The following RCAN2 variants were observed in gnomAD, a reference collection of about 807,000 sequenced individuals.
RCAN2 encodes the protein calcipressin-2.
In RCAN2, 9 loss-of-function variants were observed where a neutral mutation model predicts 23.6. The ratio of observed to expected loss-of-function variants is 0.38; its 90% CI spans 0.23 to 0.67. The LOEUF (loss-of-function observed/expected upper bound fraction) is 0.67, where lower values mean the gene tolerates loss of function less well. RCAN2 is among the 30% of genes least tolerant of loss of function. The probability of loss-of-function intolerance (pLI) is 0.51; values close to 1 mark genes in which losing one functional copy is unlikely to be tolerated. For missense variants in RCAN2, 273 were observed against 302.3 expected (o/e 0.90, Z 0.72); for synonymous variants, 109 against 115.7 (o/e 0.94, Z 0.37).
intron 4 of RCAN2, among the ~76,000 whole-genome samples, chr6:46,235,967 A>G (rs1318612629): frequency 6.6e-6 from 1 of 152,228 alleles, no homozygotes; most frequent in Non-Finnish European, 1.5e-5. Flanking sequence ...TTCCTCATCA[A>G]TGAGAACAAC....
chr6:46,330,718 G>A (rs945644794), intron 2 of RCAN2, among the ~76,000 whole-genome samples: 1 of 151,966 alleles, frequency 6.6e-6, no homozygotes, highest in African/African-American at 2.4e-5. Flanking sequence ...TGTCTCTCAT[G>A]TTTCTTTTAA....
In RCAN2 at chr6:46,292,424, TTG is replaced by T. The variant is rs199957269; in HGVS notation, c.226-43530_226-43529del. ...TGCCATATTCTTGGGAGTTGATTTG[TTG>T]TTTTTTTTTTTGTTTTTTTTTTTGG... On this transcript the variant is annotated intron_variant, in intron 2 of 4. Transcript: ENST00000371374. Among the ~76,000 whole-genome samples, 139 of 127,062 alleles carry T rather than the reference TTG, an allele frequency of 1.1e-3. 5 individuals are homozygous for T. Among genetic ancestry groups the T allele is most frequent in the African/African-American group, 2.6e-3 (72 of 27,198 alleles). 83.4% of individuals were successfully genotyped at this position (127,062 alleles called of 152,430 possible).
At chr6:46,264,483 C>G (rs551676512) in intron 2 of RCAN2, among the ~76,000 whole-genome samples, 4 of 152,198 alleles carry the variant, frequency 2.6e-5, no homozygotes, top group Non-Finnish European at 5.9e-5. Context: ...TCCTCTCCAT[C>G]TCACCTTTTC....
chr6:46,316,905 T>C (rs1033606195), intron 2 of RCAN2, among the ~76,000 whole-genome samples: 1 of 152,224 alleles, frequency 6.6e-6, no homozygotes, highest in Admixed American at 6.5e-5. Flanking sequence ...TGTGTTGTGT[T>C]GTGAAAGAAT....
intron 2 of RCAN2, among the ~76,000 whole-genome samples, chr6:46,337,283 T>C (rs777308106): frequency 6.6e-6 from 1 of 152,216 alleles, no homozygotes; most frequent in Non-Finnish European, 1.5e-5. Context: ...ACTGTTATAG[T>C]TCTGAGTAGT....
chr6:46,482,337 T>C (rs1768885572), intron 1 of RCAN2, among the ~76,000 whole-genome samples: 1 of 152,176 alleles, frequency 6.6e-6, no homozygotes, highest in Non-Finnish European at 1.5e-5. Flanking sequence ...ATAATATCTC[T>C]TTGTTTTCAA....
chr6:46,323,095 G>A (rs892611576), intron 2 of RCAN2, among the ~76,000 whole-genome samples: 4 of 152,142 alleles, frequency 2.6e-5, no homozygotes, highest in African/African-American at 9.7e-5. Flanking sequence ...GGAGTGGGGT[G>A]GGAGGGAAAA....
chr6:46,293,779 G>A (rs1762637572), intron 2 of RCAN2, among the ~76,000 whole-genome samples: 1 of 152,126 alleles, frequency 6.6e-6, no homozygotes, highest in African/African-American at 2.4e-5. Context: ...GATAATTTAG[G>A]CTAATAGGTC....
chr6:46,480,481 T>A lies in RCAN2; in HGVS notation c.-3+10692A>T, dbSNP rs1768830712. Among the ~76,000 whole-genome samples, 9 of 152,348 alleles carry A rather than the reference T, an allele frequency of 5.9e-5. No individual in the cohort carries two copies. The South Asian group carries it at 1.9e-3, about 32-fold the overall frequency. ...TCAGACAGAAGAAGCATTTAATACATCTGCCTATAAAAAATTCAGACACTG... is the reference window on the plus strand; with the variant it reads ...TCAGACAGAAGAAGCATTTAATACAACTGCCTATAAAAAATTCAGACACTG... On this transcript the variant is annotated intron_variant, in intron 1 of 4. Coordinates refer to ENST00000371374, the MANE Select transcript of RCAN2 (RefSeq NM_001251974.2).
intron 1 of RCAN2, chr6:46,468,682 T>G: frequency 5.4e-6 from 2 of 370,360 alleles, no homozygotes; most frequent in Non-Finnish European, 7.5e-6. Context: ...GCACGGCTCC[T>G]GATATGCTGT....
intron 2 of RCAN2, among the ~76,000 whole-genome samples, chr6:46,286,790 G>A (rs1420378853): frequency 6.6e-6 from 1 of 151,986 alleles, no homozygotes; most frequent in African/African-American, 2.4e-5. Flanking sequence ...ATCACCTGAG[G>A]TCAGGAGTTT....
intron 2 of RCAN2, among the ~76,000 whole-genome samples, chr6:46,350,904 G>A (rs1313165942): frequency 3.9e-5 from 6 of 152,074 alleles, no homozygotes; most frequent in African/African-American, 9.7e-5. Context: ...CCACTTAACC[G>A]TGCCCCAAAC....
intron 2 of RCAN2, among the ~76,000 whole-genome samples, chr6:46,343,602 C>G (rs898558533): frequency 2.6e-5 from 4 of 152,070 alleles, no homozygotes; most frequent in Non-Finnish European, 5.9e-5. Flanking sequence ...ATCTCGATCT[C>G]CTGACCTCGT....
At chr6:46,372,429 C>T (rs1765348132) in intron 2 of RCAN2, among the ~76,000 whole-genome samples, 1 of 152,164 alleles carries the variant, frequency 6.6e-6, no homozygotes. Flanking sequence ...TAAACACAAG[C>T]ATGTCGCTTG....
intron 2 of RCAN2, among the ~76,000 whole-genome samples, chr6:46,383,283 T>A (rs1251621612): frequency 2.0e-5 from 3 of 151,208 alleles, no homozygotes; most frequent in South Asian, 4.2e-4. Context: ...CCTTGAAGAA[T>A]GAATAGAATT....
intron 2 of RCAN2, among the ~76,000 whole-genome samples, chr6:46,387,443 G>T (rs868378286): frequency 9.2e-5 from 14 of 152,046 alleles, no homozygotes; most frequent in Non-Finnish European, 1.6e-4. Context: ...GTGGGTGAAG[G>T]ATATGAACAG....
At chr6:46,260,050 G>A (rs929493864) in intron 2 of RCAN2, among the ~76,000 whole-genome samples, 1 of 152,104 alleles carries the variant, frequency 6.6e-6, no homozygotes, top group African/African-American at 2.4e-5. Context: ...TCCTTACACA[G>A]GCAGAATTGA....
intron 2 of RCAN2, among the ~76,000 whole-genome samples, chr6:46,437,446 A>C (rs1299346845): frequency 6.6e-6 from 1 of 152,218 alleles, no homozygotes; most frequent in Non-Finnish European, 1.5e-5. Context: ...GAAATGTTTA[A>C]AAATTGGGTA....
intron 2 of RCAN2, among the ~76,000 whole-genome samples, chr6:46,354,528 A>G (rs1764763269): frequency 6.6e-6 from 1 of 152,176 alleles, no homozygotes; most frequent in Non-Finnish European, 1.5e-5. Context: ...TGCCTTTGCA[A>G]CTTCCTGAGT....
Sources: gnomAD v4.1 joint callset for allele counts (sites outside exome capture counted in the v4.1 genomes callset) on GRCh38, gnomAD v4.1.1 for gene constraint, MANE v1.5 for transcripts, NCBI Gene and HGNC (gene_info 2026-07-23, HGNC 2026-07-21) for gene names.